Variants in BCL11B observed in about 807,000 individuals in gnomAD.
BCL11B encodes BCL11 transcription factor B.
BCL11B carries 8 observed loss-of-function variants against 49.9 expected under a neutral mutation model. That is an observed-to-expected ratio of 0.16 (90% CI 0.09 to 0.29). BCL11B has a LOEUF of 0.29. Among genes scored for constraint, BCL11B ranks in the 10% least tolerant of loss-of-function variants. BCL11B has a pLI of 1.00. For missense variants in BCL11B, 1,006 were observed against 1,351.0 expected (o/e 0.74, Z 4.00); for synonymous variants, 739 against 637.4 (o/e 1.16, Z -2.40).
Position 99,205,700 on chromosome 14 carries a change from G to A in BCL11B, c.640+25645C>T, listed in dbSNP as rs1186623263. On this transcript the variant is annotated intron_variant, in intron 3 of 3. Coordinates refer to ENST00000357195, the MANE Select transcript of BCL11B (RefSeq NM_138576.4). This position sits in a 1 kb window ranked among gnomAD's most constrained non-coding sequence, Gnocchi z 5.0. The stretch of plus-strand genomic sequence containing the variant: ...ATATGTAAATAAACAAACAGAGTAC[G>A]TGGTAAGGAGCAGAATTCCCAGAAA... Among the ~76,000 whole-genome samples, 9 of 152,150 alleles carry A rather than the reference G, an allele frequency of 5.9e-5. No individual in the cohort carries two copies. The highest frequency in any genetic ancestry group is 1.5e-5 in the Non-Finnish European group (1 of 68,040).
intron 3 of BCL11B, among the ~76,000 whole-genome samples, chr14:99,187,967 C>T (rs1329461970): frequency 1.3e-5 from 2 of 152,114 alleles, no homozygotes; most frequent in African/African-American, 4.8e-5. Context: ...AGATAATTGA[C>T]GTTATGGAGA....
rs2139916921 is a variant in BCL11B, at chr14:99,241,884, A to G, written c.428-10327T>C. Among the ~76,000 whole-genome samples the G allele has an allele frequency of 6.6e-6, 1 of 152,322 alleles. No homozygotes were observed. Among genetic ancestry groups the G allele is most frequent in the South Asian group, 2.1e-4 (1 of 4,826 alleles). On this transcript the variant is annotated intron_variant, in intron 2 of 3. Transcript: ENST00000357195. This position sits in a 1 kb window ranked among gnomAD's most constrained non-coding sequence, Gnocchi z 4.4. ...GGCATGTGGTCAAAAGCAGGTAGGA[A>G]GCAAATGCTGAGAAATAAGGAAGTA...
At chr14:99,227,779 G>C (rs1292180616) in intron 3 of BCL11B, among the ~76,000 whole-genome samples, 1 of 152,200 alleles carries the variant, frequency 6.6e-6, no homozygotes, top group Non-Finnish European at 1.5e-5. Context: ...CACAGTCTGA[G>C]GCTCTTGACC....
At chr14:99,221,778 A>G (rs1453118343) in intron 3 of BCL11B, among the ~76,000 whole-genome samples, 3 of 152,248 alleles carry the variant, frequency 2.0e-5, no homozygotes, top group African/African-American at 7.2e-5. Flanking sequence ...GGAAAGCCCA[A>G]ATTCAGAGCT....
chr14:99,187,496 C>T (rs1045377414), intron 3 of BCL11B, among the ~76,000 whole-genome samples: 1 of 152,066 alleles, frequency 6.6e-6, no homozygotes, highest in Non-Finnish European at 1.5e-5. Context: ...TAGCTGAGCT[C>T]ACTTTGATGG....
rs1299200568 is a variant in BCL11B at position 99,202,956 on chromosome 14, G to T, written c.641-26761C>A. Among the ~76,000 whole-genome samples, 7 of 152,314 alleles carry T rather than the reference G, an allele frequency of 4.6e-5. No homozygotes were observed. The East Asian group carries it at 1.4e-3, about 29-fold the overall frequency. On this transcript the variant is annotated intron_variant, in intron 3 of 3. Transcript: ENST00000357195. Reference sequence around the variant, plus strand: ...AGGGCCTCACAGCCCAAGTGCTCTGGGGTCGGACAGCCGGTGAAAAGCTGT... The same window carrying T: ...AGGGCCTCACAGCCCAAGTGCTCTGTGGTCGGACAGCCGGTGAAAAGCTGT...
chr14:99,179,473 TAAAAAAAAAAAA>T (rs35703913), intron 3 of BCL11B, among the ~76,000 whole-genome samples: 17 of 54,570 alleles, frequency 3.1e-4, no homozygotes, highest in Middle Eastern at 0.034. Flanking sequence ...GAATCCATCT[TAAAAAAAAAAAA>T]AAAAAAAAAA....
At chr14:99,230,104 G>A (rs537203841) in intron 3 of BCL11B, among the ~76,000 whole-genome samples, 2 of 152,266 alleles carry the variant, frequency 1.3e-5, no homozygotes, top group African/African-American at 4.8e-5. Context: ...GTCACAGCAG[G>A]GAGGGTACAC....
chr14:99,199,454 G>A (rs184979863), intron 3 of BCL11B, among the ~76,000 whole-genome samples: 258 of 152,296 alleles, frequency 1.7e-3, no homozygotes, highest in Non-Finnish European at 3.0e-3. Context: ...CTGAGAATCT[G>A]CACAGACGCC....
At chr14:99,180,115 G>A (rs1595221095) in intron 3 of BCL11B, among the ~76,000 whole-genome samples, 1 of 152,266 alleles carries the variant, frequency 6.6e-6, no homozygotes, top group Non-Finnish European at 1.5e-5. Context: ...TCCAGGAACT[G>A]AGGGCCACCT....
At position 99,250,065 on chromosome 14, in the gene BCL11B, T is replaced by G. The variant is rs1337188676; in HGVS notation, c.427+7406A>C. The stretch of plus-strand genomic sequence containing the variant: ...TTTTTTTTTTTTTTGAGATGGAATC[T>G]CCTTCTGTCGCCCAGGCTGGAGTAC... On this transcript the variant is annotated intron_variant, in intron 2 of 3. Transcript: ENST00000357195. 2.9e-5 allele frequency among the ~76,000 whole-genome samples: 4 copies of G among 137,960 alleles called. No individual in the cohort carries two copies. In the Admixed American group the frequency reaches 3.0e-4, roughly 10 times the overall value. 90.5% of individuals were successfully genotyped at this position (137,960 alleles called of 152,430 possible).
chr14:99,259,250 G>A (rs1413621284), intron 1 of BCL11B, among the ~76,000 whole-genome samples: 1 of 152,178 alleles, frequency 6.6e-6, no homozygotes, highest in African/African-American at 2.4e-5. Context: ...CGGCGAGAAG[G>A]AATGGGAGGG....
intron 3 of BCL11B, among the ~76,000 whole-genome samples, chr14:99,220,131 G>A (rs1887965248): frequency 6.6e-6 from 1 of 152,334 alleles, no homozygotes; most frequent in Admixed American, 6.5e-5. Context: ...GAGAACCTCT[G>A]TGCACTGTTG....
At position 99,271,358 on chromosome 14, in the gene BCL11B, TG is replaced by T. The variant is rs1889681181; in HGVS notation, c.-141del. 2.3e-6 allele frequency: 1 copy of T among 437,910 alleles called. No individual in the cohort carries two copies. Among genetic ancestry groups the T allele is most frequent in the Admixed American group, 5.0e-5 (1 of 20,174 alleles). The allele number at this position is 437,910 out of a possible 1,614,324, so 27.1% of individuals were successfully genotyped here. A position where few individuals can be genotyped will look rare whatever the true frequency, so the allele number is the denominator to read the frequency against. ...GCCGCACCTCCTCCTCTGCCCGGGTTGGTGTTTTTTTTCCCTTCCTCTCTTT... is the reference window on the plus strand; with the variant it reads ...GCCGCACCTCCTCCTCTGCCCGGGTTGTGTTTTTTTTCCCTTCCTCTCTTT... On this transcript the variant is annotated 5_prime_UTR_variant, in exon 1 of 4. Transcript: ENST00000357195.
At position 99,242,793 on chromosome 14, in the gene BCL11B, C is replaced by T. The variant is rs1888709616; in HGVS notation, c.428-11236G>A. ...CTGGAAAAAAGAAATCAAGACACTT[C>T]CAAAGAAAAGCAACAACCAAAAAGT... is the stretch of plus-strand genomic sequence containing the variant. On this transcript the variant is annotated intron_variant, in intron 2 of 3. Transcript: ENST00000357195. The surrounding 1 kb of genome is among the most constrained non-coding windows in gnomAD (Gnocchi z 4.4). Among the ~76,000 whole-genome samples the T allele has an allele frequency of 6.6e-6, 1 of 152,232 alleles. No homozygotes were observed. The highest frequency in any genetic ancestry group is 1.5e-5 in the Non-Finnish European group (1 of 68,048).
At chr14:99,203,074 C>T (rs543844992) in intron 3 of BCL11B, among the ~76,000 whole-genome samples, 1 of 152,286 alleles carries the variant, frequency 6.6e-6, no homozygotes, top group South Asian at 2.1e-4. Flanking sequence ...CCCTTCCACA[C>T]CCTATCTCAA....
chr14:99,206,991 C>T (rs895253246), intron 3 of BCL11B, among the ~76,000 whole-genome samples: 1 of 152,122 alleles, frequency 6.6e-6, no homozygotes, highest in African/African-American at 2.4e-5. Context: ...GGGATGAAGC[C>T]CTCCAAGCTT....
chr14:99,266,959 G>C (rs1291503791), intron 1 of BCL11B, among the ~76,000 whole-genome samples: 1 of 152,208 alleles, frequency 6.6e-6, no homozygotes, highest in Non-Finnish European at 1.5e-5. Context: ...GAAGGCGCTA[G>C]AAACTGGTAT....
Position 99,180,387 on chromosome 14 carries a change from T to C in BCL11B, c.641-4192A>G, listed in dbSNP as rs996719453. ...TTCTTCCTTTCTCAGACATTTTTTG[T>C]ATCCACTGACAGAAACCCACACTGG... On this transcript the variant is annotated intron_variant, in intron 3 of 3. Coordinates refer to ENST00000357195, the MANE Select transcript of BCL11B (RefSeq NM_138576.4). 4.6e-5 allele frequency among the ~76,000 whole-genome samples: 7 copies of C among 152,324 alleles called. No homozygotes were observed. The South Asian group carries it at 8.3e-4, about 18-fold the overall frequency.
Sources: allele counts gnomAD v4.1 joint callset (sites outside exome capture counted in the v4.1 genomes callset), GRCh38; gene constraint gnomAD v4.1.1; non-coding constraint Gnocchi (gnomAD v3.1); transcripts MANE v1.5; gene names NCBI Gene and HGNC (gene_info 2026-07-23, HGNC 2026-07-21).